WWOX: variants seen among roughly 807,000 people sequenced by gnomAD.
WWOX encodes WW domain containing oxidoreductase, also known as WW domain-containing oxidoreductase.
A neutral mutation model predicts 46.2 loss-of-function variants in WWOX; 69 were observed. That is an observed-to-expected ratio of 1.49 (90% CI 1.23 to 1.82). The LOEUF (loss-of-function observed/expected upper bound fraction) is 1.82, where lower values mean the gene tolerates loss of function less well. Among genes scored for constraint, WWOX ranks in the 40% most tolerant of loss-of-function variants. The probability of loss-of-function intolerance (pLI) is 0.00; values close to 1 mark genes in which losing one functional copy is unlikely to be tolerated. For missense variants in WWOX, 919 were observed against 542.6 expected (o/e 1.69, Z -6.89); for synonymous variants, 359 against 202.6 (o/e 1.77, Z -6.56).
chr16:78,774,843 C>T (rs2050151092), intron 8 of WWOX, among the ~76,000 whole-genome samples: 1 of 152,204 alleles, frequency 6.6e-6, no homozygotes, highest in Non-Finnish European at 1.5e-5. Flanking sequence ...CATGCCCATT[C>T]TGCAAGTCCA....
chr16:78,591,430 C>A (rs1432304450), intron 8 of WWOX, among the ~76,000 whole-genome samples: 1 of 152,208 alleles, frequency 6.6e-6, no homozygotes, highest in Non-Finnish European at 1.5e-5. Flanking sequence ...AGCACGTAGA[C>A]CTTCCCTCAC....
In WWOX at chr16:78,579,909, C is replaced by T. The variant is rs374665725; in HGVS notation, c.1056+147157C>T. ...AGCAAAGTGTCTCTGCATTTCACTCCGAGCCATCGACTTCTGTTCTGAATG... is the reference window on the plus strand; with the variant it reads ...AGCAAAGTGTCTCTGCATTTCACTCTGAGCCATCGACTTCTGTTCTGAATG... On this transcript the variant is annotated intron_variant, in intron 8 of 8. Transcript: ENST00000566780. Among the ~76,000 whole-genome samples the T allele has an allele frequency of 6.6e-4, 101 of 152,176 alleles. No homozygotes were observed. The South Asian group carries it at 9.3e-3, about 14-fold the overall frequency.
intron 5 of WWOX, among the ~76,000 whole-genome samples, chr16:78,295,731 A>G (rs1345551907): frequency 1.3e-5 from 2 of 152,126 alleles, no homozygotes; most frequent in Non-Finnish European, 2.9e-5. Flanking sequence ...CAAACAAACA[A>G]ACAAACAAAC....
At chr16:78,431,903 A>G (rs772169898) in intron 7 of WWOX, among the ~76,000 whole-genome samples, 2 of 151,930 alleles carry the variant, frequency 1.3e-5, no homozygotes, top group African/African-American at 2.4e-5. Context: ...TTTTGTAGAC[A>G]TGGTGTCTCC....
chr16:79,144,798 T>C (rs7184952), intron 8 of WWOX, among the ~76,000 whole-genome samples: 63,070 of 152,040 alleles, frequency 0.41, 13,927 homozygotes, highest in African/African-American at 0.58. Flanking sequence ...ACTTACAATA[T>C]GATATTTTGA....
At chr16:79,092,620 C>T (rs12920897) in intron 8 of WWOX, among the ~76,000 whole-genome samples, 11 of 152,220 alleles carry the variant, frequency 7.2e-5, no homozygotes, top group South Asian at 2.1e-4. Flanking sequence ...ATTCATCTGG[C>T]GAAACCCCTT....
chr16:78,940,246 C>T (rs971880124), intron 8 of WWOX, among the ~76,000 whole-genome samples: 3 of 152,082 alleles, frequency 2.0e-5, no homozygotes, highest in African/African-American at 7.2e-5. Context: ...AAATAGAATA[C>T]GGAGTATATA....
intron 5 of WWOX, among the ~76,000 whole-genome samples, chr16:78,301,636 A>G (rs1014706957): frequency 6.6e-6 from 1 of 152,186 alleles, no homozygotes; most frequent in Non-Finnish European, 1.5e-5. Context: ...CTGGAAAGGA[A>G]GATTCAAGTC....
chr16:79,046,004 G>T (rs1273501472), intron 8 of WWOX, among the ~76,000 whole-genome samples: 1 of 151,838 alleles, frequency 6.6e-6, no homozygotes, highest in Non-Finnish European at 1.5e-5. Context: ...CTTTCACCAT[G>T]TTGGCCAGGC....
At chr16:78,594,489 A>C (rs1393098549) in intron 8 of WWOX, among the ~76,000 whole-genome samples, 1 of 121,734 alleles carries the variant, frequency 8.2e-6, no homozygotes, top group East Asian at 2.8e-4. Context: ...GCCAGCTGGC[A>C]CACAGCTTCC....
At chr16:78,832,642 A>T (rs1439040951) in intron 8 of WWOX, among the ~76,000 whole-genome samples, 1 of 152,086 alleles carries the variant, frequency 6.6e-6, no homozygotes, top group Non-Finnish European at 1.5e-5. Flanking sequence ...GGATTAGAAA[A>T]GTCATCATCC....
intron 8 of WWOX, among the ~76,000 whole-genome samples, chr16:78,500,975 A>G (rs776963576): frequency 1.3e-5 from 2 of 152,114 alleles, no homozygotes; most frequent in East Asian, 3.9e-4. Flanking sequence ...GTTTAGCTTG[A>G]CTTAAAACCC....
chr16:78,418,367 C>T (rs1022254418), intron 6 of WWOX, among the ~76,000 whole-genome samples: 3 of 144,780 alleles, frequency 2.1e-5, no homozygotes, highest in Admixed American at 6.9e-5. Context: ...GACTCCATCT[C>T]AGAAAAAAAA....
chr16:78,896,376 A>G (rs1464251206), intron 8 of WWOX: 1 of 152,166 alleles, frequency 6.6e-6, no homozygotes, highest in Non-Finnish European at 1.5e-5. Flanking sequence ...GGCTGGGACC[A>G]CTGATGGTAA....
chr16:78,708,790 C>A (rs919816567), intron 8 of WWOX, among the ~76,000 whole-genome samples: 2 of 152,114 alleles, frequency 1.3e-5, no homozygotes, highest in Non-Finnish European at 2.9e-5. Context: ...CATAAGGCTC[C>A]TTGAGGGAAG....
intron 8 of WWOX, among the ~76,000 whole-genome samples, chr16:79,157,350 C>G (rs887792486): frequency 6.6e-6 from 1 of 151,272 alleles, no homozygotes; most frequent in South Asian, 2.1e-4. Flanking sequence ...TCTTAGCTCT[C>G]ACAGTTAGAA....
intron 8 of WWOX, among the ~76,000 whole-genome samples, chr16:79,002,149 C>T (rs1221698764): frequency 4.0e-5 from 6 of 149,448 alleles, no homozygotes; most frequent in African/African-American, 1.2e-4. Flanking sequence ...GCAAGTGTAT[C>T]GACGTGCTGT....
chr16:79,005,274 A>G (rs943155987), intron 8 of WWOX, among the ~76,000 whole-genome samples: 1 of 152,160 alleles, frequency 6.6e-6, no homozygotes, highest in Non-Finnish European at 1.5e-5. Context: ...CCAAAGTCCA[A>G]GGTTCCTTGA....
At chr16:78,126,774 A>G (rs771723167) in intron 4 of WWOX, among the ~76,000 whole-genome samples, 2 of 152,182 alleles carry the variant, frequency 1.3e-5, no homozygotes, top group Non-Finnish European at 2.9e-5. Flanking sequence ...TGGTACCCGC[A>G]TTTAAGGAGG....
Sources: gnomAD v4.1 joint callset for allele counts (sites outside exome capture counted in the v4.1 genomes callset) on GRCh38, gnomAD v4.1.1 for gene constraint, MANE v1.5 for transcripts, NCBI Gene and HGNC (gene_info 2026-07-23, HGNC 2026-07-21) for gene names.